RNPEPL1: variants seen among roughly 807,000 people sequenced by gnomAD.
RNPEPL1 encodes the protein aminopeptidase RNPEPL1.
In RNPEPL1, 46 loss-of-function variants were observed where a neutral mutation model predicts 69.0. The observed-to-expected ratio is 0.67, with a 90% CI of 0.53 to 0.85. The LOEUF is 0.85. Ranked by LOEUF, RNPEPL1 falls within the 40% of genes least tolerant of loss-of-function variation. The probability of loss-of-function intolerance (pLI) is 0.00; values close to 1 mark genes in which losing one functional copy is unlikely to be tolerated. For synonymous variants in RNPEPL1, 525 were observed against 454.1 expected, an observed-to-expected ratio of 1.16 and a Z score of -1.98; for missense variants, 869 against 992.5, an observed-to-expected ratio of 0.88 and a Z score of 1.67.
At chr2:240,573,652 G>C in intron 3 of RNPEPL1, 123 bp from the exon 4 acceptor site, 1 of 804,114 alleles carries the variant, frequency 1.2e-6, no homozygotes, top group Non-Finnish European at 1.9e-6. Context: ...CTGTAGGCTG[G>C]GGTGGTCAGC....
chr2:240,574,334 C>G lies in RNPEPL1; in HGVS notation c.1160C>G (p.Thr387Ser). ...GLATYAQRRI[T>S]TETYGAAFTC... Reference sequence around the variant, plus strand: ...GCCACCTATGCCCAGCGCCGTATCACCACCGAGACCTACGGTGCGGCCAGG... The same window carrying G: ...GCCACCTATGCCCAGCGCCGTATCAGCACCGAGACCTACGGTGCGGCCAGG... Residue 387 changes from threonine (T) to serine (S), a missense_variant, in exon 5 of 11, where the codon ACC (threonine) becomes AGC (serine). Around this residue, in one of 2 missense-constraint regions of RNPEPL1, gnomAD observed 610 missense variants for 790.9 expected, o/e 0.77. Coordinates refer to ENST00000270357, the MANE Select transcript of RNPEPL1 (RefSeq NM_018226.6). The G allele has an allele frequency of 6.2e-7, 1 of 1,600,198 alleles. No individual in the cohort carries two copies. The highest frequency in any genetic ancestry group is 1.1e-5 in the South Asian group (1 of 91,000).
At position 240,580,164 on chromosome 2, in the gene RNPEPL1, G is replaced by T. The variant is rs1158344304; in HGVS notation, c.*2272G>T. 6.6e-6 allele frequency: 1 copy of T among 152,348 alleles called. No individual in the cohort carries two copies. The highest frequency in any genetic ancestry group is 1.5e-5 in the Non-Finnish European group (1 of 68,176). The allele number at this position is 152,348 out of a possible 1,614,324, so 9.4% of individuals were successfully genotyped here. ...CCTTTGTTCCTCTTCCACCCAGCTT[G>T]CAAGTGCAGAATTTTTTTTTAGCTC... is the stretch of plus-strand genomic sequence containing the variant. On this transcript the variant is annotated 3_prime_UTR_variant, in exon 11 of 11. Transcript: ENST00000270357.
Position 240,574,280 on chromosome 2 carries a change from G to T in RNPEPL1, c.1106G>T (p.Trp369Leu). Residue 369 changes from tryptophan to leucine, a missense_variant, in exon 5 of 11, where the codon TGG becomes TTG. By Grantham distance (61) the Trp-to-Leu change is moderately conservative. This residue lies in a region of RNPEPL1 where 610 missense variants were observed against 790.9 expected (regional missense o/e 0.77). Coordinates refer to ENST00000270357, the MANE Select transcript of RNPEPL1 (RefSeq NM_018226.6). ...GGCAACGCTGTCACCAACGCCACGT[G>T]GGAAGAGATGTGGCTGAGCGAGGGC... ...WFGNAVTNAT[W>L]EEMWLSEGLA... is the part of the protein sequence containing the mutation. 1 of 1,611,000 alleles carries T rather than the reference G, an allele frequency of 6.2e-7. No homozygotes were observed. The highest frequency in any genetic ancestry group is 8.5e-7 in the Non-Finnish European group (1 of 1,179,942).
chr2:240,577,590 CT>C lies in RNPEPL1; in HGVS notation c.1885-8del, dbSNP rs1303818199. ...AGCCCACCAGTGTGACCGAGTGCCC[CT>C]CCTGCAGATGTCACGCATGTACACC... is the stretch of plus-strand genomic sequence containing the variant. On this transcript the variant is annotated splice_region_variant and splice_polypyrimidine_tract_variant and intron_variant, in intron 10 of 10. Transcript: ENST00000270357. 4 of 1,551,660 alleles carry C rather than the reference CT, an allele frequency of 2.6e-6. No individual in the cohort carries two copies. Among genetic ancestry groups the C allele is most frequent in the Non-Finnish European group, 3.5e-6 (4 of 1,140,402 alleles).
intron 4 of RNPEPL1, 80 bp downstream of exon 4, chr2:240,573,971 T>C: frequency 7.1e-7 from 1 of 1,409,586 alleles, no homozygotes; most frequent in Non-Finnish European, 9.7e-7. Flanking sequence ...CCCTGGGGTG[T>C]CCTGTCCCCA....
intron 2 of RNPEPL1, 147 bp downstream of exon 2, chr2:240,572,710 T>C: frequency 9.5e-7 from 1 of 1,049,526 alleles, no homozygotes. Context: ...CTCCCTACTC[T>C]ATGGGAGGAG....
At position 240,581,117 on chromosome 2, in the gene RNPEPL1, G is replaced by A. The variant is rs961959159; in HGVS notation, c.*3225G>A. The A allele has an allele frequency of 1.3e-5, 2 of 152,206 alleles. No homozygotes were observed. The highest frequency in any genetic ancestry group is 1.5e-5 in the Non-Finnish European group (1 of 68,058). The allele number at this position is 152,206 out of a possible 1,614,324, so 9.4% of individuals were successfully genotyped here. ...GGCACAACTGAGAATCACCTGCCCA[G>A]GGCAGCAACACAGTGTGAAGGAAAA... is the stretch of plus-strand genomic sequence containing the variant. On this transcript the variant is annotated 3_prime_UTR_variant, in exon 11 of 11. Transcript: ENST00000270357.
At chr2:240,569,166 A>G in intron 1 of RNPEPL1, 52 bp downstream of exon 1, 2 of 1,371,506 alleles carry the variant, frequency 1.5e-6, no homozygotes, top group Non-Finnish European at 1.9e-6. Context: ...GGGCGCTGCT[A>G]GCGGCCTCTC....
At position 240,574,989 on chromosome 2, in the gene RNPEPL1, G is replaced by A. The variant is rs370846665; in HGVS notation, c.1289-41G>A. On this transcript the variant is annotated intron_variant, in intron 6 of 10. Coordinates refer to ENST00000270357, the MANE Select transcript of RNPEPL1 (RefSeq NM_018226.6). ...CCCCTCCCTATTCCACGGGACACTG[G>A]TGGTTTCGGACGCCAGCCCAGGTGG... 6.8e-6 allele frequency: 10 copies of A among 1,479,438 alleles called. No individual in the cohort carries two copies. In the African/African-American group the frequency reaches 1.4e-4, roughly 20 times the overall value. 91.6% of individuals were successfully genotyped at this position (1,479,438 alleles called of 1,614,324 possible).
chr2:240,569,751 C>CT (rs2093015843), intron 1 of RNPEPL1, among the ~76,000 whole-genome samples: 1 of 152,232 alleles, frequency 6.6e-6, no homozygotes, highest in Non-Finnish European at 1.5e-5. Context: ...CCTTTCCTGC[C>CT]TACAGCATGG....
In RNPEPL1 at chr2:240,568,871, C is replaced by G; in HGVS notation, c.285C>G (p.Ala95=). The change falls in exon 1 of 11, where the codon GCC becomes GCG. Residue 95 remains alanine, a synonymous_variant. Transcript: ENST00000270357. The surrounding 1 kb of genome is among the most constrained non-coding windows in gnomAD (Gnocchi z 6.2). ...CAGCCGCCTTCCGTCGCGCCCCCGC[C>G]GCCGCCGCCGAGACGCCCTGCGCCT... ...LHSAAFRRAP[A]AAAETPCAFA... The G allele has an allele frequency of 8.2e-7, 1 of 1,220,370 alleles. No individual in the cohort carries two copies. Among genetic ancestry groups the G allele is most frequent in the South Asian group, 2.5e-5 (1 of 40,716 alleles). 75.6% of individuals were successfully genotyped at this position (1,220,370 alleles called of 1,614,324 possible).
rs769201150 is a variant in RNPEPL1, at chr2:240,577,585, T to C, written c.1885-14T>C. On this transcript the variant is annotated splice_polypyrimidine_tract_variant and intron_variant, in intron 10 of 10. Coordinates refer to ENST00000270357, the MANE Select transcript of RNPEPL1 (RefSeq NM_018226.6). The stretch of plus-strand genomic sequence containing the variant: ...TGGGGAGCCCACCAGTGTGACCGAG[T>C]GCCCCTCCTGCAGATGTCACGCATG... The C allele has an allele frequency of 1.9e-6, 3 of 1,543,734 alleles. No homozygotes were observed. The highest frequency in any genetic ancestry group is 2.6e-6 in the Non-Finnish European group (3 of 1,136,280).
At chr2:240,575,190 C>T (rs370336989) in intron 7 of RNPEPL1, 48 bp downstream of exon 7, 133 of 1,450,790 alleles carry the variant, frequency 9.2e-5, no homozygotes, top group Non-Finnish European at 1.2e-4. Context: ...CTGCCCCCAG[C>T]CCCTCCCCGG....
Position 240,581,000 on chromosome 2 carries a change from T to A in RNPEPL1, c.*3108T>A, listed in dbSNP as rs1285609015. 6.6e-6 allele frequency: 1 copy of A among 152,206 alleles called. No homozygotes were observed. Among genetic ancestry groups the A allele is most frequent in the Non-Finnish European group, 1.5e-5 (1 of 68,052 alleles). The allele number at this position is 152,206 out of a possible 1,614,324, so 9.4% of individuals were successfully genotyped here. On this transcript the variant is annotated 3_prime_UTR_variant, in exon 11 of 11. Coordinates refer to ENST00000270357, the MANE Select transcript of RNPEPL1 (RefSeq NM_018226.6). ...TGTCTCCCAGAGTGTTTCTCTGCCA[T>A]CCCTACTCTAACTGGGACTTATTGG...
chr2:240,568,894 C>T lies in RNPEPL1; in HGVS notation c.308C>T (p.Ala103Val), dbSNP rs1318509678. ...APAAAAETPCAFAFSAPGPGP... is the reference protein window; with the variant it reads ...APAAAAETPCVFAFSAPGPGP... ...GCCGCCGCCGCCGAGACGCCCTGCG[C>T]CTTCGCCTTCTCCGCCCCCGGGCCG... is the stretch of plus-strand genomic sequence containing the variant. Residue 103 changes from alanine to valine, a missense_variant, in exon 1 of 11, where the codon GCC becomes GTC. Ala to Val is a moderately conservative substitution (Grantham distance 64). Around this residue, in one of 2 missense-constraint regions of RNPEPL1, gnomAD observed 259 missense variants for 201.5 expected, o/e 1.29. Transcript: ENST00000270357. The surrounding 1 kb of genome is among the most constrained non-coding windows in gnomAD (Gnocchi z 6.2). 24 of 1,274,258 alleles carry T rather than the reference C, an allele frequency of 1.9e-5. No individual in the cohort carries two copies. Among genetic ancestry groups the T allele is most frequent in the Non-Finnish European group, 2.4e-5 (24 of 1,013,038 alleles). The allele number at this position is 1,274,258 out of a possible 1,614,324, so 78.9% of individuals were successfully genotyped here.
intron 8 of RNPEPL1, 195 bp from the exon 9 acceptor site, chr2:240,576,340 C>T (rs2125450547): frequency 1.7e-6 from 1 of 604,478 alleles, no homozygotes; most frequent in East Asian, 2.8e-5. Flanking sequence ...TCCCTGTACC[C>T]CTTCACAGAA....
At chr2:240,577,118 C>A in intron 10 of RNPEPL1, 128 bp downstream of exon 10, 2 of 1,220,514 alleles carry the variant, frequency 1.6e-6, no homozygotes, top group African/African-American at 1.5e-5. Context: ...GCGGGGAAGA[C>A]GTAGGGGTCT....
At chr2:240,570,842 C>T (rs1421576787) in intron 1 of RNPEPL1, among the ~76,000 whole-genome samples, 1 of 152,178 alleles carries the variant, frequency 6.6e-6, no homozygotes, top group East Asian at 1.9e-4. Context: ...TGGGGGTCTG[C>T]CCCAGCCCCT....
chr2:240,572,964 G>A lies in RNPEPL1; in HGVS notation c.670-146G>A, dbSNP rs1052430131. 12 of 992,990 alleles carry A rather than the reference G, an allele frequency of 1.2e-5. No individual in the cohort carries two copies. In the South Asian group the frequency reaches 1.2e-4, roughly 10 times the overall value. The allele number at this position is 992,990 out of a possible 1,614,324, so 61.5% of individuals were successfully genotyped here. Reference sequence around the variant, plus strand: ...TCCGAATGGAGGGTGGCAGTTCTTCGGAGAGAAGTTCTCTGACAGAAACGT... The same window carrying A: ...TCCGAATGGAGGGTGGCAGTTCTTCAGAGAGAAGTTCTCTGACAGAAACGT... On this transcript the variant is annotated intron_variant, in intron 2 of 10. Transcript: ENST00000270357.
Sources: gnomAD v4.1 joint callset for allele counts (sites outside exome capture counted in the v4.1 genomes callset) on GRCh38, gnomAD v4.1.1 for gene constraint, gnomAD v4.1.1 regional missense constraint, Gnocchi (gnomAD v3.1) non-coding constraint, MANE v1.5 for transcripts, NCBI Gene and HGNC (gene_info 2026-07-23, HGNC 2026-07-21) for gene names.